The following ZNF711 variants were observed in gnomAD, a reference collection of about 807,000 sequenced individuals.
ZNF711 encodes ZFX family zinc finger ZNF711.
ZNF711 carries 3 observed loss-of-function variants against 43.5 expected under a neutral mutation model. That is an observed-to-expected ratio of 0.07 (90% CI 0.03 to 0.18). The LOEUF (loss-of-function observed/expected upper bound fraction) is 0.18, where lower values mean the gene tolerates loss of function less well. Ranked by LOEUF, ZNF711 falls within the 10% of genes least tolerant of loss-of-function variation. ZNF711 has a pLI of 1.00. For synonymous variants in ZNF711, 209 were observed against 207.7 expected (o/e 1.01, Z -0.06); for missense variants, 412 against 604.0 (o/e 0.68, Z 3.33).
rs1638831053 is a variant in ZNF711 at position 85,273,031 on chromosome X, T to C, written c.*1203T>C. 8.9e-6 allele frequency: 1 copy of C among 112,268 alleles called. No individual in the cohort carries two copies. Among genetic ancestry groups the C allele is most frequent in the Admixed American group, 9.5e-5 (1 of 10,514 alleles). 9.3% of individuals were successfully genotyped at this position (112,268 alleles called of 1,213,427 possible). ...TCATAAATGTAATGCATATGATATG[T>C]ACTTTTAAGTTTTAGTTGCTTCATG... On this transcript the variant is annotated 3_prime_UTR_variant, in exon 11 of 11. Coordinates refer to ENST00000674551, the MANE Select transcript of ZNF711 (RefSeq NM_001330574.2).
Position 85,255,405 on chromosome X carries a change from A to T in ZNF711, c.226A>T (p.Ile76Phe). ...LAAEVVHGPD[I>F]ITETDVVTEG... is the part of the protein sequence containing the mutation. The stretch of plus-strand genomic sequence containing the variant: ...AGCTGAAGTTGTCCATGGACCTGAT[A>T]TCATCACAGAGACTGATGTAGTAAC... The change falls in exon 5 of 11, where the codon ATC (isoleucine) becomes TTC (phenylalanine). Residue 76 changes from isoleucine (I) to phenylalanine (F), a missense_variant. Physicochemically the swap from Ile to Phe is conservative, Grantham distance 21. Transcript: ENST00000674551. The T allele has an allele frequency of 8.3e-7, 1 of 1,211,737 alleles. No individual in the cohort carries two copies. The highest frequency in any genetic ancestry group is 1.1e-6 in the Non-Finnish European group (1 of 895,569).
At position 85,255,551 on chromosome X, in the gene ZNF711, A is replaced by T. The variant is rs1930055589; in HGVS notation, c.372A>T (p.Val124=). The part of the protein sequence containing the change: ...TSELITETVR[V]PEQVFVADLV... ...AACTAATTACAGAAACCGTTAGGGT[A>T]CCAGAGCAGGTTTTCGTGGCTGACC... The change falls in exon 5 of 11, where the codon GTA becomes GTT. Residue 124 remains valine, a synonymous_variant. Coordinates refer to ENST00000674551, the MANE Select transcript of ZNF711 (RefSeq NM_001330574.2). The T allele has an allele frequency of 4.1e-6, 5 of 1,212,041 alleles. No individual in the cohort carries two copies. The highest frequency in any genetic ancestry group is 5.6e-6 in the Non-Finnish European group (5 of 895,579).
chrX:85,265,247 A>G lies in ZNF711; in HGVS notation c.908A>G (p.Asp303Gly). Reference protein sequence around the residue: ...MAVKDSSQEEDDISCAEIADE... With the variant: ...MAVKDSSQEEGDISCAEIADE... ...GTTAAAGATTCTTCTCAAGAAGAAG[A>G]TGATATCAGTAAGAAAATAAGGGCA... is the stretch of plus-strand genomic sequence containing the variant. Residue 303 changes from aspartate (D) to glycine (G), a missense_variant, in exon 7 of 11, where the codon GAT becomes GGT. Asp to Gly is a moderately conservative substitution (Grantham distance 94). Around this residue, in one of 4 missense-constraint regions of ZNF711, gnomAD observed 375 missense variants for 514.2 expected, o/e 0.73. Transcript: ENST00000674551. 1 of 1,208,119 alleles carries G rather than the reference A, an allele frequency of 8.3e-7. No homozygotes were observed. Among genetic ancestry groups the G allele is most frequent in the Non-Finnish European group, 1.1e-6 (1 of 893,179 alleles).
At chrX:85,259,423 A>C (rs1305107287) in intron 5 of ZNF711, among the ~76,000 whole-genome samples, 3 of 111,028 alleles carry the variant, frequency 2.7e-5, no homozygotes, top group Non-Finnish European at 5.7e-5. Context: ...GTTTTTTCCA[A>C]TTCTGTGAAA....
At chrX:85,268,478 T>C in intron 9 of ZNF711, 137 bp downstream of exon 9, 8 of 686,127 alleles carry the variant, frequency 1.2e-5, no homozygotes, top group Non-Finnish European at 1.8e-5. Flanking sequence ...ATCTAGTTAG[T>C]TAGGAGTTTC....
At chrX:85,248,243 G>A (rs1244537309) in intron 4 of ZNF711, among the ~76,000 whole-genome samples, 2 of 107,889 alleles carry the variant, frequency 1.9e-5, no homozygotes, top group Non-Finnish European at 1.9e-5. Context: ...GCAAAGGCGG[G>A]CGGATCACGA....
At chrX:85,265,032 A>T in intron 6 of ZNF711, 86 bp from the exon 7 acceptor site, 1 of 859,026 alleles carries the variant, frequency 1.2e-6, no homozygotes, top group Admixed American at 2.9e-5. Context: ...TTTTTTTCTA[A>T]GAAATATTTC....
chrX:85,244,732 GGA>G (rs1831740020), intron 1 of ZNF711: 1 of 109,337 alleles, frequency 9.1e-6, no homozygotes, highest in African/African-American at 3.3e-5. Context: ...GGAGTTGGGG[GGA>G]GGGGGGGGGC....
intron 4 of ZNF711, among the ~76,000 whole-genome samples, chrX:85,248,329 C>T (rs1214980903): frequency 9.2e-6 from 1 of 108,377 alleles, no homozygotes; most frequent in Non-Finnish European, 1.9e-5. Context: ...ATTAGCTGAG[C>T]GTGGTGGAGC....
Position 85,255,531 on chromosome X carries a change from A to T in ZNF711, c.352A>T (p.Ile118Phe). The T allele has an allele frequency of 8.3e-7, 1 of 1,211,964 alleles. No individual in the cohort carries two copies. ...TGATCACATCTTGACTTCTGAACTA[A>T]TTACAGAAACCGTTAGGGTACCAGA... ...DGDHILTSEL[I>F]TETVRVPEQV... The change falls in exon 5 of 11, where the codon ATT becomes TTT. Residue 118 changes from isoleucine (I) to phenylalanine (F), a missense_variant. Physicochemically the swap from Ile to Phe is conservative, Grantham distance 21. Coordinates refer to ENST00000674551, the MANE Select transcript of ZNF711 (RefSeq NM_001330574.2).
At chrX:85,257,743 C>T (rs1032431972) in intron 5 of ZNF711, among the ~76,000 whole-genome samples, 2 of 113,062 alleles carry the variant, frequency 1.8e-5, no homozygotes, top group Non-Finnish European at 3.8e-5. Context: ...GATAAATTTC[C>T]AAACTGCTTT....
Position 85,273,330 on chromosome X carries a change from G to T in ZNF711, c.*1502G>T, listed in dbSNP as rs1014586554. On this transcript the variant is annotated 3_prime_UTR_variant, in exon 11 of 11. Transcript: ENST00000674551. ...ATTTCTAAATGTTACTCATTGAAATGAGCATACAATAAAAAGCATTTATTG... is the reference window on the plus strand; with the variant it reads ...ATTTCTAAATGTTACTCATTGAAATTAGCATACAATAAAAAGCATTTATTG... 1 of 111,892 alleles carries T rather than the reference G, an allele frequency of 8.9e-6. No individual in the cohort carries two copies. 9.2% of individuals were successfully genotyped at this position (111,892 alleles called of 1,213,427 possible). A position where few individuals can be genotyped will look rare whatever the true frequency, so the allele number is the denominator to read the frequency against.
intron 4 of ZNF711, among the ~76,000 whole-genome samples, chrX:85,252,716 TC>T (rs1341762916): frequency 9.0e-6 from 1 of 111,718 alleles, no homozygotes; most frequent in Admixed American, 9.5e-5. Flanking sequence ...TTATACATAC[TC>T]CCTTCGTGTA....
intron 8 of ZNF711, 24 bp from the exon 9 acceptor site, chrX:85,268,270 T>A: frequency 3.1e-6 from 1 of 318,774 alleles, no homozygotes; most frequent in Non-Finnish European, 4.6e-6. Flanking sequence ...TAATTGGTCT[T>A]TTTTTTTTTT....
intron 5 of ZNF711, among the ~76,000 whole-genome samples, chrX:85,261,926 T>G (rs1930682551): frequency 9.0e-6 from 1 of 111,126 alleles, no homozygotes. Flanking sequence ...CTAAAGTCAG[T>G]TGATTGCCTA....
intron 6 of ZNF711, among the ~76,000 whole-genome samples, chrX:85,264,793 C>T (rs1431832640): frequency 1.8e-5 from 2 of 110,158 alleles, no homozygotes; most frequent in Non-Finnish European, 3.8e-5. Context: ...ATTACTTAAC[C>T]CCCTTCTGTC....
At position 85,268,315 on chromosome X, in the gene ZNF711, G is replaced by A. The variant is rs368781847; in HGVS notation, c.1076G>A (p.Arg359Gln). 1.1e-4 allele frequency: 106 copies of A among 1,002,678 alleles called. No homozygotes were observed. Among genetic ancestry groups the A allele is most frequent in the Non-Finnish European group, 1.4e-4 (101 of 734,737 alleles). The allele number at this position is 1,002,678 out of a possible 1,213,427, so 82.6% of individuals were successfully genotyped here. A position where few individuals can be genotyped will look rare whatever the true frequency, so the allele number is the denominator to read the frequency against. The change falls in exon 9 of 11, where the codon CGA (arginine) becomes CAA (glutamine). Residue 359 changes from arginine (R) to glutamine (Q), a missense_variant. Coordinates refer to ENST00000674551, the MANE Select transcript of ZNF711 (RefSeq NM_001330574.2). ...AAYGDERRVS[R>Q]RYEDCQASGN... ...TTAGGAGATGAAAGAAGAGTTTCCC[G>A]AAGGTATGAAGATTGTCAAGCATCA...
chrX:85,270,066 G>T lies in ZNF711; in HGVS notation c.1166G>T (p.Cys389Phe). The T allele has an allele frequency of 2.5e-6, 3 of 1,210,175 alleles. No homozygotes were observed. The highest frequency in any genetic ancestry group is 2.3e-4 in the Middle Eastern group (1 of 4,346). The change falls in exon 10 of 11, where the codon TGT becomes TTT. Residue 389 changes from cysteine to phenylalanine, a missense_variant. By Grantham distance (205) the Cys-to-Phe change is radical. Around this residue, in one of 4 missense-constraint regions of ZNF711, gnomAD observed 375 missense variants for 514.2 expected, o/e 0.73. Transcript: ENST00000674551. ...SSTAAQYLQICDGINTNKVLK... is the reference protein window; with the variant it reads ...SSTAAQYLQIFDGINTNKVLK... Reference sequence around the variant, plus strand: ...ACAGCAGCACAGTACCTTCAAATTTGTGACGGCATTAATACAAATAAAGTA... The same window carrying T: ...ACAGCAGCACAGTACCTTCAAATTTTTGACGGCATTAATACAAATAAAGTA...
intron 5 of ZNF711, among the ~76,000 whole-genome samples, chrX:85,263,564 GT>G (rs980209768): frequency 2.8e-5 from 3 of 108,708 alleles, no homozygotes; most frequent in South Asian, 3.9e-4. Context: ...TGTTCTCTGT[GT>G]TTCTTTTTTT....
Sources: gnomAD v4.1 joint callset for allele counts (sites outside exome capture counted in the v4.1 genomes callset) on GRCh38, gnomAD v4.1.1 for gene constraint, gnomAD v4.1.1 regional missense constraint, MANE v1.5 for transcripts, NCBI Gene and HGNC (gene_info 2026-07-23, HGNC 2026-07-21) for gene names.